Variants in CAMK4 observed in about 807,000 individuals in gnomAD.
The protein encoded by CAMK4 is calcium/calmodulin-dependent protein kinase type IV.
Under a neutral mutation model 44.9 loss-of-function variants are expected in CAMK4, and 22 were observed. The ratio of observed to expected loss-of-function variants is 0.49; its 90% CI spans 0.35 to 0.70. CAMK4 has a LOEUF of 0.70. CAMK4 is among the 30% of genes least tolerant of loss of function. The probability of loss-of-function intolerance (pLI) is 0.01; values close to 1 mark genes in which losing one functional copy is unlikely to be tolerated. For missense variants in CAMK4, 498 were observed against 586.8 expected, an observed-to-expected ratio of 0.85 and a Z score of 1.56; for synonymous variants, 218 against 215.4, an observed-to-expected ratio of 1.01 and a Z score of -0.11.
intron 2 of CAMK4, among the ~76,000 whole-genome samples, chr5:111,359,948 G>A (rs927344429): frequency 6.6e-6 from 1 of 152,032 alleles, no homozygotes. Flanking sequence ...ATAAATCAAA[G>A]CAGATCCAAG....
chr5:111,224,694 G>C lies in CAMK4; in HGVS notation c.161+50G>C, dbSNP rs1439851823. On this transcript the variant is annotated intron_variant, in intron 1 of 10. Coordinates refer to ENST00000282356, the MANE Select transcript of CAMK4 (RefSeq NM_001744.6). This position sits in a 1 kb window ranked among gnomAD's most constrained non-coding sequence, Gnocchi z 5.7. ...AAGCCCGCGGCGTGCACTGGGGGTT[G>C]TCCCTCTCGCAGCGACGGCTCGGAG... is the stretch of plus-strand genomic sequence containing the variant. 8.4e-6 allele frequency: 13 copies of C among 1,556,826 alleles called. No individual in the cohort carries two copies. The East Asian group carries it at 3.1e-4, about 38-fold the overall frequency.
chr5:111,280,048 T>G (rs568141693), intron 1 of CAMK4, among the ~76,000 whole-genome samples: 3 of 152,314 alleles, frequency 2.0e-5, no homozygotes, highest in African/African-American at 7.2e-5. Flanking sequence ...CAATTTCATG[T>G]GTGTATTATA....
chr5:111,430,873 C>T (rs1057151979), intron 5 of CAMK4, among the ~76,000 whole-genome samples: 1 of 152,000 alleles, frequency 6.6e-6, no homozygotes, highest in Non-Finnish European at 1.5e-5. Context: ...AATGCCCTTA[C>T]TACCCAAGGC....
intron 1 of CAMK4, among the ~76,000 whole-genome samples, chr5:111,312,873 G>T (rs965386890): frequency 1.3e-5 from 2 of 152,210 alleles, no homozygotes; most frequent in Middle Eastern, 3.4e-3. Context: ...ACATTTTGCA[G>T]ACTTCACGTT....
At position 111,292,042 on chromosome 5, in the gene CAMK4, CA is replaced by C. The variant is rs1747288024; in HGVS notation, c.162-51978del. Among the ~76,000 whole-genome samples, 3 of 152,236 alleles carry C rather than the reference CA, an allele frequency of 2.0e-5. No individual in the cohort carries two copies. The South Asian group carries it at 6.2e-4, about 32-fold the overall frequency. On this transcript the variant is annotated intron_variant, in intron 1 of 10. Coordinates refer to ENST00000282356, the MANE Select transcript of CAMK4 (RefSeq NM_001744.6). ...ATATTTATATTCCAACATCCTGCACCAAAATCAGTGGTCCTCAGAGGAATAA... is the reference window on the plus strand; with the variant it reads ...ATATTTATATTCCAACATCCTGCACCAAATCAGTGGTCCTCAGAGGAATAA...
intron 5 of CAMK4, among the ~76,000 whole-genome samples, chr5:111,442,771 ATAT>A (rs1196018383): frequency 2.0e-5 from 3 of 148,320 alleles, no homozygotes; most frequent in Middle Eastern, 3.3e-3. Context: ...TAAAATATAA[ATAT>A]TATATATCTT....
Position 111,403,847 on chromosome 5 carries a change from C to A in CAMK4, c.459+9065C>A, listed in dbSNP as rs77041298. On this transcript the variant is annotated intron_variant, in intron 5 of 10. Coordinates refer to ENST00000282356, the MANE Select transcript of CAMK4 (RefSeq NM_001744.6). ...AATGATATCAAAATTTTACCGAATT[C>A]TGCCTACATGGACTTCCCTCTTTTG... 6.9e-3 allele frequency among the ~76,000 whole-genome samples: 1,053 copies of A among 152,294 alleles called. 12 individuals are homozygous for A. Among genetic ancestry groups the A allele is most frequent in the African/African-American group, 0.024 (1,004 of 41,556 alleles).
chr5:111,426,690 C>A (rs141763531), intron 5 of CAMK4, among the ~76,000 whole-genome samples: 5 of 152,294 alleles, frequency 3.3e-5, no homozygotes, highest in African/African-American at 1.2e-4. Flanking sequence ...TCTCTGGGTG[C>A]TGGGGGAGGG....
chr5:111,342,239 A>T (rs1749676065), intron 1 of CAMK4, among the ~76,000 whole-genome samples: 1 of 151,368 alleles, frequency 6.6e-6, no homozygotes, highest in Non-Finnish European at 1.5e-5. Context: ...AAGTGTATTT[A>T]TGGATTTTTT....
At position 111,334,507 on chromosome 5, in the gene CAMK4, C is replaced by G. The variant is rs573699850; in HGVS notation, c.162-9517C>G. 6.6e-4 allele frequency among the ~76,000 whole-genome samples: 100 copies of G among 151,568 alleles called. 1 individual carries two copies. The highest frequency in any genetic ancestry group is 2.4e-3 in the African/African-American group (98 of 41,438). ...TTTTGACGTTTTTTAGGTTCCTGCTCTTTAATATGACACACTTTCACCCCT... is the reference window on the plus strand; with the variant it reads ...TTTTGACGTTTTTTAGGTTCCTGCTGTTTAATATGACACACTTTCACCCCT... On this transcript the variant is annotated intron_variant, in intron 1 of 10. Transcript: ENST00000282356.
At chr5:111,314,469 A>C (rs1282923232) in intron 1 of CAMK4, among the ~76,000 whole-genome samples, 1 of 152,102 alleles carries the variant, frequency 6.6e-6, no homozygotes, top group Non-Finnish European at 1.5e-5. Flanking sequence ...CACATTTTAC[A>C]TTTCAAAAGT....
chr5:111,296,647 C>T (rs1747495225), intron 1 of CAMK4, among the ~76,000 whole-genome samples: 2 of 152,114 alleles, frequency 1.3e-5, no homozygotes, highest in African/African-American at 4.8e-5. Context: ...TAACCCGTGG[C>T]TTGAAAGAAA....
intron 1 of CAMK4, among the ~76,000 whole-genome samples, chr5:111,317,898 T>TAAAA (rs3066636): frequency 0.034 from 2,384 of 69,530 alleles, 109 homozygotes; most frequent in East Asian, 0.1. Context: ...GAGTAATATG[T>TAAAA]AAAAAAAAAA....
chr5:111,447,039 GGAGAT>G (rs1365779838), intron 6 of CAMK4, among the ~76,000 whole-genome samples: 1 of 152,196 alleles, frequency 6.6e-6, no homozygotes, highest in Non-Finnish European at 1.5e-5. Flanking sequence ...AAGGACCACA[GGAGAT>G]GACCTTGTAT....
intron 7 of CAMK4, among the ~76,000 whole-genome samples, chr5:111,463,898 C>G (rs1001628088): frequency 6.6e-6 from 1 of 151,946 alleles, no homozygotes; most frequent in African/African-American, 2.4e-5. Context: ...TGAGAAGGAA[C>G]CAGAAAAACA....
At chr5:111,288,991 T>A (rs1191338920) in intron 1 of CAMK4, among the ~76,000 whole-genome samples, 3 of 152,220 alleles carry the variant, frequency 2.0e-5, no homozygotes, top group African/African-American at 4.8e-5. Flanking sequence ...CTGGGTTACA[T>A]ATGTATGGGT....
chr5:111,357,563 C>T (rs890797254), intron 2 of CAMK4, among the ~76,000 whole-genome samples: 4 of 139,418 alleles, frequency 2.9e-5, no homozygotes, highest in Non-Finnish European at 4.7e-5. Flanking sequence ...GTAAACAGGA[C>T]GAAAAGAAAG....
intron 5 of CAMK4, among the ~76,000 whole-genome samples, chr5:111,408,810 C>G (rs963809076): frequency 6.6e-6 from 1 of 152,126 alleles, no homozygotes; most frequent in East Asian, 1.9e-4. Context: ...GAGAAATTGG[C>G]CAAAACATAG....
In CAMK4 at chr5:111,246,261, G is replaced by A. The variant is rs374171991; in HGVS notation, c.161+21617G>A. 1.5e-4 allele frequency among the ~76,000 whole-genome samples: 23 copies of A among 152,020 alleles called. No individual in the cohort carries two copies. The East Asian group carries it at 2.7e-3, about 18-fold the overall frequency. On this transcript the variant is annotated intron_variant, in intron 1 of 10. Transcript: ENST00000282356. ...ATTCATTTAACACACTTTTTCTTTC[G>A]CCACTGCCCTGCCCAGTCTGTCTAC... is the stretch of plus-strand genomic sequence containing the variant.
Sources: gnomAD v4.1 joint callset for allele counts (sites outside exome capture counted in the v4.1 genomes callset) on GRCh38, gnomAD v4.1.1 for gene constraint, Gnocchi (gnomAD v3.1) non-coding constraint, MANE v1.5 for transcripts, NCBI Gene and HGNC (gene_info 2026-07-23, HGNC 2026-07-21) for gene names.